The following MYO16 variants were observed in gnomAD, a reference collection of about 807,000 sequenced individuals.
The protein encoded by MYO16 is myosin XVI.
In MYO16, 94 loss-of-function variants were observed where a neutral mutation model predicts 205.3. That is an observed-to-expected ratio of 0.46 (90% CI 0.39 to 0.54). The LOEUF (loss-of-function observed/expected upper bound fraction) is 0.54. Among genes scored for constraint, MYO16 ranks in the 20% least tolerant of loss-of-function variants. MYO16 has a pLI of 0.00. For missense variants in MYO16, 2,315 were observed against 2,387.5 expected (o/e 0.97, Z 0.63); for synonymous variants, 988 against 954.0 (o/e 1.04, Z -0.66).
chr13:108,708,370 T>C (rs532307858), intron 2 of MYO16, among the ~76,000 whole-genome samples: 9 of 152,348 alleles, frequency 5.9e-5, no homozygotes, highest in African/African-American at 1.7e-4. Flanking sequence ...AGTCTTCACA[T>C]TGATGTTTTC....
At chr13:108,558,450 T>A in the MYO16 span, among the ~76,000 whole-genome samples, 1 of 152,184 alleles carries the variant, frequency 6.6e-6, no homozygotes, top group Non-Finnish European at 1.5e-5. Flanking sequence ...GTGTCCTGAG[T>A]GTGGGCACCT....
intron 2 of MYO16, among the ~76,000 whole-genome samples, chr13:108,706,632 C>T (rs1305641239): frequency 6.6e-6 from 1 of 152,136 alleles, no homozygotes; most frequent in Non-Finnish European, 1.5e-5. Context: ...TGTACATCTG[C>T]ACCTCTTGGG....
chr13:108,721,808 T>C (rs1391778009), intron 3 of MYO16, among the ~76,000 whole-genome samples: 2 of 152,208 alleles, frequency 1.3e-5, no homozygotes, highest in African/African-American at 4.8e-5. Context: ...TCAGAGAGGC[T>C]GACTTCCATT....
intron 16 of MYO16, among the ~76,000 whole-genome samples, chr13:108,946,308 C>A (rs1238292131): frequency 4.0e-5 from 6 of 151,832 alleles, no homozygotes; most frequent in Non-Finnish European, 8.8e-5. Context: ...GGGGGTTTGA[C>A]TTTTATGGCA....
At chr13:108,994,473 A>G (rs919560288) in intron 21 of MYO16, among the ~76,000 whole-genome samples, 5 of 152,152 alleles carry the variant, frequency 3.3e-5, no homozygotes, top group African/African-American at 1.2e-4. Flanking sequence ...TCATCTTTTG[A>G]CGAGTGCAAA....
intron 32 of MYO16, among the ~76,000 whole-genome samples, chr13:109,154,843 A>G (rs1403705807): frequency 6.9e-6 from 1 of 144,124 alleles, no homozygotes; most frequent in Non-Finnish European, 1.5e-5. Context: ...CTATAAAAGT[A>G]TGCATGAGGA....
At chr13:108,636,079 C>T (rs1157188702) in intron 1 of MYO16, among the ~76,000 whole-genome samples, 2 of 151,750 alleles carry the variant, frequency 1.3e-5, no homozygotes, top group Non-Finnish European at 2.9e-5. Context: ...TGCACAATAC[C>T]TACTGAATTG....
At chr13:108,695,282 C>A (rs1293703929) in intron 2 of MYO16, among the ~76,000 whole-genome samples, 1 of 152,164 alleles carries the variant, frequency 6.6e-6, no homozygotes, top group Non-Finnish European at 1.5e-5. Flanking sequence ...AGACACACTT[C>A]CTTCCTCATT....
chr13:108,553,175 C>T, the MYO16 span, among the ~76,000 whole-genome samples: 10 of 151,966 alleles, frequency 6.6e-5, no homozygotes, highest in Admixed American at 2.0e-4. Context: ...TGTGCCACCA[C>T]GCCCAACTAA....
chr13:108,913,883 C>T (rs1182262522), intron 16 of MYO16, among the ~76,000 whole-genome samples: 1 of 152,124 alleles, frequency 6.6e-6, no homozygotes, highest in Non-Finnish European at 1.5e-5. Flanking sequence ...TTCAGTTGTT[C>T]AAATAGAGCA....
chr13:108,646,170 C>T (rs7319475), intron 1 of MYO16, among the ~76,000 whole-genome samples: 27,706 of 152,018 alleles, frequency 0.18, 3,858 homozygotes, highest in African/African-American at 0.38. Context: ...GAGGGCTTTT[C>T]TTGTTTGTTA....
chr13:108,602,389 C>T (rs528851903), intron 1 of MYO16, among the ~76,000 whole-genome samples: 3 of 152,106 alleles, frequency 2.0e-5, no homozygotes, highest in Non-Finnish European at 2.9e-5. Context: ...CTGATGCACT[C>T]TTTGCTAGTC....
At chr13:108,661,954 G>T (rs1236892150) in intron 1 of MYO16, among the ~76,000 whole-genome samples, 1 of 152,180 alleles carries the variant, frequency 6.6e-6, no homozygotes, top group Admixed American at 6.5e-5. Flanking sequence ...CTGTTGTTCA[G>T]ATTCTTCTGT....
At chr13:108,772,427 C>A (rs190035701) in intron 4 of MYO16, among the ~76,000 whole-genome samples, 1 of 152,082 alleles carries the variant, frequency 6.6e-6, no homozygotes. Context: ...TTTGCATTCC[C>A]ACAAGCAATG....
chr13:108,801,746 A>C (rs2138969485), intron 6 of MYO16, among the ~76,000 whole-genome samples: 1 of 152,224 alleles, frequency 6.6e-6, no homozygotes, highest in South Asian at 2.1e-4. Context: ...TCATCTTTTA[A>C]ACTGGAATAA....
chr13:108,933,683 C>T (rs772888074), intron 16 of MYO16, among the ~76,000 whole-genome samples: 18 of 151,910 alleles, frequency 1.2e-4, no homozygotes, highest in Admixed American at 5.2e-4. Context: ...GTTTGTGGTA[C>T]GAATGATCCC....
chr13:109,035,968 G>A (rs1341461023), intron 23 of MYO16, among the ~76,000 whole-genome samples: 1 of 152,196 alleles, frequency 6.6e-6, no homozygotes, highest in African/African-American at 2.4e-5. Context: ...AACACCAGAG[G>A]ACATTCTCCT....
intron 2 of MYO16, among the ~76,000 whole-genome samples, chr13:108,669,312 T>C (rs1009214535): frequency 6.6e-6 from 1 of 151,976 alleles, no homozygotes; most frequent in African/African-American, 2.4e-5. Context: ...GACCATTGCA[T>C]TTAGGAGTAT....
chr13:109,034,968 A>G (rs1249390388), intron 23 of MYO16, among the ~76,000 whole-genome samples: 1 of 152,216 alleles, frequency 6.6e-6, no homozygotes, highest in Non-Finnish European at 1.5e-5. Flanking sequence ...TGTTCCCACA[A>G]TTAATTATCC....
Sources: allele counts gnomAD v4.1 joint callset (sites outside exome capture counted in the v4.1 genomes callset), GRCh38; gene constraint gnomAD v4.1.1; transcripts MANE v1.5; gene names NCBI Gene and HGNC (gene_info 2026-07-23, HGNC 2026-07-21).